The following CEP350 variants were observed in gnomAD, a reference collection of about 807,000 sequenced individuals.
CEP350 encodes the protein centrosomal protein 350.
In CEP350, 126 loss-of-function variants were observed where a neutral mutation model predicts 331.8. That is an observed-to-expected ratio of 0.38 (90% CI 0.33 to 0.44). The LOEUF (loss-of-function observed/expected upper bound fraction) is 0.44, where lower values mean the gene tolerates loss of function less well. CEP350 is among the 20% of genes least tolerant of loss of function. The pLI, the probability that CEP350 is intolerant of heterozygous loss-of-function variation, is 1.00. For synonymous variants in CEP350, 1,200 were observed against 1,259.5 expected (o/e 0.95, Z 1.00); for missense variants, 3,406 against 3,634.6 (o/e 0.94, Z 1.62).
At chr1:180,032,349 CATT>C (rs1173103791) in intron 15 of CEP350, among the ~76,000 whole-genome samples, 1 of 152,052 alleles carries the variant, frequency 6.6e-6, no homozygotes, top group African/African-American at 2.4e-5. Flanking sequence ...AATTTTGCAT[CATT>C]AATACCATTA....
intron 25 of CEP350, among the ~76,000 whole-genome samples, chr1:180,059,746 C>T (rs1658081116): frequency 6.6e-6 from 1 of 151,824 alleles, no homozygotes; most frequent in Admixed American, 6.6e-5. Flanking sequence ...GTATCCCTGT[C>T]ACTTCAAATA....
chr1:180,094,016 A>T lies in CEP350; in HGVS notation c.7911A>T (p.Thr2637=). The T allele has an allele frequency of 6.2e-7, 1 of 1,613,830 alleles. No individual in the cohort carries two copies. The highest frequency in any genetic ancestry group is 8.5e-7 in the Non-Finnish European group (1 of 1,179,758). ...GAAGTAGAAGCCTTAAAATAGAAACAGACAATGTACAGGACATTTCTGGGG... is the reference window on the plus strand; with the variant it reads ...GAAGTAGAAGCCTTAAAATAGAAACTGACAATGTACAGGACATTTCTGGGG... ...VNRSRSLKIE[T]DNVQDISGVL... The change falls in exon 34 of 38, where the codon ACA becomes ACT. Residue 2637 remains threonine (T), a synonymous_variant. Coordinates refer to ENST00000367607, the MANE Select transcript of CEP350 (RefSeq NM_014810.5).
chr1:180,098,878 G>A lies in CEP350; in HGVS notation c.9082G>A (p.Glu3028Lys), dbSNP rs1289865893. The A allele has an allele frequency of 1.2e-6, 2 of 1,612,850 alleles. No individual in the cohort carries two copies. Among genetic ancestry groups the A allele is most frequent in the African/African-American group, 1.3e-5 (1 of 74,844 alleles). ...LDEIKSFIAS[E>K]VLKLFSLKKE... ...GTTTCCACAGAGCTTCATAGCAAGT[G>A]AAGTACTCAAGTTGTTCAGTCTTAA... Residue 3028 changes from glutamate (E) to lysine (K), a missense_variant, in exon 37 of 38, where the codon GAA becomes AAA. Glu to Lys is a moderately conservative substitution (Grantham distance 56). Coordinates refer to ENST00000367607, the MANE Select transcript of CEP350 (RefSeq NM_014810.5).
intron 1 of CEP350, among the ~76,000 whole-genome samples, chr1:179,973,845 C>T (rs1281423628): frequency 6.6e-6 from 1 of 151,890 alleles, no homozygotes; most frequent in Non-Finnish European, 1.5e-5. Context: ...TTTTCTCCCC[C>T]TCATTTACTG....
intron 1 of CEP350, among the ~76,000 whole-genome samples, chr1:179,975,382 G>A (rs150019858): frequency 1.0e-3 from 157 of 152,258 alleles, no homozygotes; most frequent in African/African-American, 3.6e-3. Context: ...GAATTGCTAG[G>A]TTCTGTTTTA....
At chr1:180,094,976 T>C (rs1437137394) in intron 34 of CEP350, among the ~76,000 whole-genome samples, 2 of 152,222 alleles carry the variant, frequency 1.3e-5, no homozygotes, top group African/African-American at 4.8e-5. Flanking sequence ...TCCATGGAGC[T>C]TTCCAGTGGC....
chr1:179,978,655 T>A (rs897754091), intron 1 of CEP350, among the ~76,000 whole-genome samples: 2 of 152,168 alleles, frequency 1.3e-5, no homozygotes, highest in Non-Finnish European at 2.9e-5. Flanking sequence ...TGTTCCTGGC[T>A]TATTGACTTA....
At position 180,020,700 on chromosome 1, in the gene CEP350, G is replaced by A; in HGVS notation, c.2926G>A (p.Gly976Ser). 1 of 1,613,980 alleles carries A rather than the reference G, an allele frequency of 6.2e-7. No homozygotes were observed. ...TCAAGACAAAGCCAAAATATCTCTT[G>A]GTTCCAGCATAGATTCAGTCAGTGA... ...CSQDKAKISLGSSIDSVSEGP... is the reference protein window; with the variant it reads ...CSQDKAKISLSSSIDSVSEGP... Residue 976 changes from glycine to serine, a missense_variant, in exon 12 of 38, where the codon GGT becomes AGT. Physicochemically the swap from Gly to Ser is moderately conservative, Grantham distance 56. Coordinates refer to ENST00000367607, the MANE Select transcript of CEP350 (RefSeq NM_014810.5).
chr1:180,043,930 T>C, intron 20 of CEP350, 121 bp from the exon 21 acceptor site: 1 of 851,968 alleles, frequency 1.2e-6, no homozygotes, highest in Non-Finnish European at 1.7e-6. Context: ...TAATGTGTTG[T>C]AAGTTATTTT....
chr1:179,987,161 G>A (rs1652697017), intron 2 of CEP350, 79 bp from the exon 3 acceptor site: 7 of 768,108 alleles, frequency 9.1e-6, no homozygotes, highest in South Asian at 4.9e-5. Context: ...GCATTTGGGA[G>A]CTTATTAAAA....
chr1:180,018,256 T>C (rs1655095257), intron 11 of CEP350, among the ~76,000 whole-genome samples: 1 of 152,076 alleles, frequency 6.6e-6, no homozygotes, highest in Non-Finnish European at 1.5e-5. Flanking sequence ...CTCAAGTGAT[T>C]GATTCTTCTG....
chr1:180,108,858 G>C (rs1041510936), intron 37 of CEP350, among the ~76,000 whole-genome samples: 4 of 152,134 alleles, frequency 2.6e-5, no homozygotes, highest in African/African-American at 7.2e-5. Context: ...ACTTTATTTG[G>C]CCATAGAACC....
Position 180,041,647 on chromosome 1 carries a change from C to A in CEP350, c.4222-15C>A. 6.3e-7 allele frequency: 1 copy of A among 1,593,774 alleles called. No homozygotes were observed. The highest frequency in any genetic ancestry group is 8.5e-7 in the Non-Finnish European group (1 of 1,171,138). On this transcript the variant is annotated splice_polypyrimidine_tract_variant and intron_variant, in intron 18 of 37. Transcript: ENST00000367607. Reference sequence around the variant, plus strand: ...TTAAAACATAACTTCTTTTTTAAACCCCTTTTATTTAAAGGTCCATGCAGA... The same window carrying A: ...TTAAAACATAACTTCTTTTTTAAACACCTTTTATTTAAAGGTCCATGCAGA...
Position 180,062,276 on chromosome 1 carries a change from G to C in CEP350, c.5319G>C (p.Leu1773=). 6.2e-7 allele frequency: 1 copy of C among 1,610,654 alleles called. No individual in the cohort carries two copies. Residue 1773 remains leucine, a synonymous_variant, in exon 26 of 38, where the codon CTG becomes CTC. Transcript: ENST00000367607. Reference sequence around the variant, plus strand: ...AGGCAGCTCGGAAGGAAAGACAGCTGATTCTTAAACAGCAGGAGGAGATAG... The same window carrying C: ...AGGCAGCTCGGAAGGAAAGACAGCTCATTCTTAAACAGCAGGAGGAGATAG... ...ANKAARKERQ[L]ILKQQEEIEK... is the part of the protein sequence containing the mutation.
In CEP350 at chr1:180,022,763, C is replaced by G; in HGVS notation, c.3301C>G (p.Leu1101Val). ...GCCTTTGAATGCCACCGCAACTCCT[C>G]TAAGTGGTGTTTCATATGAAGATGA... Reference protein sequence around the residue: ...SRPLNATATPLSGVSYEDDFV... With the variant: ...SRPLNATATPVSGVSYEDDFV... The change falls in exon 13 of 38, where the codon CTA becomes GTA. Residue 1101 changes from leucine to valine, a missense_variant. Around this residue, in one of 5 missense-constraint regions of CEP350, gnomAD observed 1,857 missense variants for 1,909.2 expected, o/e 0.97. Coordinates refer to ENST00000367607, the MANE Select transcript of CEP350 (RefSeq NM_014810.5). 8.1e-6 allele frequency: 13 copies of G among 1,610,316 alleles called. No homozygotes were observed. Among genetic ancestry groups the G allele is most frequent in the South Asian group, 1.1e-5 (1 of 90,348 alleles).
At chr1:180,084,219 G>GC in intron 31 of CEP350, 41 bp downstream of exon 31, 1 of 1,510,902 alleles carries the variant, frequency 6.6e-7, no homozygotes, top group South Asian at 1.3e-5. Context: ...CAAGGCTAAT[G>GC]TGTATGTGAC....
chr1:180,021,986 T>C (rs1655352418), intron 12 of CEP350, among the ~76,000 whole-genome samples: 1 of 152,226 alleles, frequency 6.6e-6, no homozygotes, highest in Non-Finnish European at 1.5e-5. Context: ...GCCCATTTTA[T>C]ACTAACATTA....
At chr1:179,987,186 T>G (rs1010623523) in intron 2 of CEP350, 54 bp from the exon 3 acceptor site, 1 of 919,686 alleles carries the variant, frequency 1.1e-6, no homozygotes, top group Non-Finnish European at 1.7e-6. Context: ...GATTCTGAGG[T>G]CTAATTCAGA....
intron 14 of CEP350, among the ~76,000 whole-genome samples, chr1:180,024,799 T>G (rs961976195): frequency 6.6e-6 from 1 of 152,164 alleles, no homozygotes; most frequent in Admixed American, 6.5e-5. Flanking sequence ...GATAAAAAAT[T>G]AAAAATTAGA....
Sources: allele counts gnomAD v4.1 joint callset (sites outside exome capture counted in the v4.1 genomes callset), GRCh38; gene constraint gnomAD v4.1.1; regional missense constraint gnomAD v4.1.1; transcripts MANE v1.5; gene names NCBI Gene and HGNC (gene_info 2026-07-23, HGNC 2026-07-21).